GPC5: variants seen among roughly 807,000 people sequenced by gnomAD.
The protein encoded by GPC5 is glypican-5.
Under a neutral mutation model 53.9 loss-of-function variants are expected in GPC5, and 47 were observed. The observed-to-expected ratio is 0.87, with a 90% CI of 0.69 to 1.11. The LOEUF (loss-of-function observed/expected upper bound fraction) is 1.11. Among genes scored for constraint, GPC5 ranks in the 50% most tolerant of loss-of-function variants. The pLI, the probability that GPC5 is intolerant of heterozygous loss-of-function variation, is 0.00. For missense variants in GPC5, 748 were observed against 713.1 expected, an observed-to-expected ratio of 1.05 and a Z score of -0.56; for synonymous variants, 286 against 263.3, an observed-to-expected ratio of 1.09 and a Z score of -0.84.
chr13:92,325,848 G>T (rs189388834), intron 7 of GPC5, among the ~76,000 whole-genome samples: 2 of 152,120 alleles, frequency 1.3e-5, no homozygotes, highest in African/African-American at 2.4e-5. Context: ...ACGAGGCATG[G>T]CACAGAGGGG....
chr13:92,035,825 C>T (rs922251587), intron 6 of GPC5, among the ~76,000 whole-genome samples: 5 of 150,374 alleles, frequency 3.3e-5, no homozygotes, highest in Non-Finnish European at 7.4e-5. Context: ...TTTGTCTTCC[C>T]TGCAGAGATC....
At chr13:92,069,407 CAT>C (rs1491106613) in intron 6 of GPC5, among the ~76,000 whole-genome samples, 6 of 110,670 alleles carry the variant, frequency 5.4e-5, no homozygotes, top group South Asian at 2.8e-4. Flanking sequence ...TGTGTGCGTG[CAT>C]GTGTGTGTGT....
intron 7 of GPC5, among the ~76,000 whole-genome samples, chr13:92,705,422 T>A (rs1364436947): frequency 6.6e-6 from 1 of 152,184 alleles, no homozygotes; most frequent in Non-Finnish European, 1.5e-5. Context: ...AGCACCTAGC[T>A]ACATATGGCT....
intron 7 of GPC5, among the ~76,000 whole-genome samples, chr13:92,753,802 C>A (rs1041026699): frequency 6.6e-6 from 1 of 152,074 alleles, no homozygotes; most frequent in Non-Finnish European, 1.5e-5. Flanking sequence ...AAGAAATGAG[C>A]AAAGCCTCCA....
At chr13:92,858,409 A>G (rs1028440337) in intron 7 of GPC5, among the ~76,000 whole-genome samples, 2 of 152,148 alleles carry the variant, frequency 1.3e-5, no homozygotes, top group African/African-American at 4.8e-5. Context: ...TCTTTCCTTC[A>G]TAAATTACCC....
intron 7 of GPC5, 21 bp downstream of exon 7, chr13:92,145,010 C>A: frequency 7.4e-7 from 1 of 1,347,008 alleles, no homozygotes; most frequent in Non-Finnish European, 9.6e-7. Flanking sequence ...GATTCTAACA[C>A]CACTTTTTTA....
chr13:92,755,317 C>T lies in GPC5; in HGVS notation c.1562-110965C>T, dbSNP rs1339175287. 2.6e-4 allele frequency among the ~76,000 whole-genome samples: 36 copies of T among 139,842 alleles called. 1 individual carries two copies. Among genetic ancestry groups the T allele is most frequent in the Non-Finnish European group, 4.0e-4 (26 of 64,676 alleles). 91.7% of individuals were successfully genotyped at this position (139,842 alleles called of 152,430 possible). On this transcript the variant is annotated intron_variant, in intron 7 of 7. Coordinates refer to ENST00000377067, the MANE Select transcript of GPC5 (RefSeq NM_004466.6). ...ACACAACATACCAGAATCTCTGGGA[C>T]GCATTCAAAGCAGTGTGTAGAGGGA...
intron 6 of GPC5, among the ~76,000 whole-genome samples, chr13:91,963,803 T>C (rs923613323): frequency 6.6e-6 from 1 of 152,140 alleles, no homozygotes; most frequent in Non-Finnish European, 1.5e-5. Flanking sequence ...TTTGAGCTCA[T>C]ACCACTGCAC....
intron 7 of GPC5, among the ~76,000 whole-genome samples, chr13:92,237,565 T>C (rs941907356): frequency 2.6e-5 from 4 of 152,124 alleles, no homozygotes; most frequent in African/African-American, 9.7e-5. Flanking sequence ...AGAAAAATCA[T>C]GATCATATAA....
intron 7 of GPC5, among the ~76,000 whole-genome samples, chr13:92,348,229 C>T (rs1201920922): frequency 1.3e-5 from 2 of 151,304 alleles, no homozygotes; most frequent in African/African-American, 2.4e-5. Flanking sequence ...AGAGCCTCAC[C>T]TTGTATTTTA....
intron 7 of GPC5, among the ~76,000 whole-genome samples, chr13:92,251,127 GA>G (rs1252283610): frequency 2.0e-5 from 3 of 152,084 alleles, no homozygotes; most frequent in African/African-American, 7.2e-5. Context: ...TAAAGCTCCA[GA>G]AAACCTTGAT....
intron 5 of GPC5, among the ~76,000 whole-genome samples, chr13:91,826,827 G>C (rs561551479): frequency 9.2e-5 from 14 of 152,152 alleles, no homozygotes; most frequent in African/African-American, 3.4e-4. Flanking sequence ...GTTTGTGTGT[G>C]TATGTATGTG....
chr13:92,841,554 C>A (rs1003333504), intron 7 of GPC5, among the ~76,000 whole-genome samples: 2 of 152,046 alleles, frequency 1.3e-5, no homozygotes, highest in Non-Finnish European at 2.9e-5. Context: ...TTCATTTCAT[C>A]CGCATATACT....
intron 7 of GPC5, among the ~76,000 whole-genome samples, chr13:92,564,457 T>A (rs1470677523): frequency 6.6e-6 from 1 of 152,074 alleles, no homozygotes; most frequent in Non-Finnish European, 1.5e-5. Context: ...GCCCCATTGT[T>A]ATTATTTTTG....
chr13:92,795,905 C>T (rs1218010752), intron 7 of GPC5, among the ~76,000 whole-genome samples: 2 of 152,108 alleles, frequency 1.3e-5, no homozygotes, highest in Non-Finnish European at 1.5e-5. Context: ...CACTTTTACA[C>T]TGTTGGTGGG....
chr13:91,641,880 C>A (rs1566575222), intron 2 of GPC5, among the ~76,000 whole-genome samples: 1 of 152,112 alleles, frequency 6.6e-6, no homozygotes, highest in Non-Finnish European at 1.5e-5. Context: ...TTGAAGAGAG[C>A]TAGTTAAGAA....
At chr13:92,111,035 C>A (rs2041552714) in intron 6 of GPC5, among the ~76,000 whole-genome samples, 1 of 152,112 alleles carries the variant, frequency 6.6e-6, no homozygotes, top group Admixed American at 6.6e-5. Context: ...TTCCAACTGG[C>A]AAAATGTTTC....
At chr13:92,659,459 C>T (rs1886264653) in intron 7 of GPC5, among the ~76,000 whole-genome samples, 2 of 148,246 alleles carry the variant, frequency 1.3e-5, no homozygotes, top group South Asian at 4.2e-4. Flanking sequence ...GCTATGCTAG[C>T]CCTTATTTAT....
intron 7 of GPC5, among the ~76,000 whole-genome samples, chr13:92,711,237 T>C (rs1241881424): frequency 6.6e-6 from 1 of 152,182 alleles, no homozygotes; most frequent in African/African-American, 2.4e-5. Flanking sequence ...TTTTGCCACA[T>C]GACCCTACTT....
Sources: allele counts gnomAD v4.1 joint callset (sites outside exome capture counted in the v4.1 genomes callset), GRCh38; gene constraint gnomAD v4.1.1; transcripts MANE v1.5; gene names NCBI Gene and HGNC (gene_info 2026-07-23, HGNC 2026-07-21).